Variants in DLC1 observed in about 807,000 individuals in gnomAD.
The protein encoded by DLC1 is DLC1 Rho GTPase activating protein.
DLC1 carries 54 observed loss-of-function variants against 140.3 expected under a neutral mutation model. That is an observed-to-expected ratio of 0.38 (90% CI 0.31 to 0.48). DLC1 has a LOEUF of 0.48. DLC1 is among the 20% of genes least tolerant of loss of function. The pLI is 0.96. For missense variants in DLC1, 2,536 were observed against 1,907.0 expected (o/e 1.33, Z -6.14); for synonymous variants, 986 against 728.1 (o/e 1.35, Z -5.70).
rs1801626395 is a variant in DLC1 at position 13,498,705 on chromosome 8, A to G, written c.1023+344T>C. 2.0e-5 allele frequency among the ~76,000 whole-genome samples: 3 copies of G among 152,354 alleles called. No homozygotes were observed. The South Asian group carries it at 6.2e-4, about 32-fold the overall frequency. On this transcript the variant is annotated intron_variant, in intron 2 of 17. Coordinates refer to ENST00000276297, the MANE Select transcript of DLC1 (RefSeq NM_182643.3). ...TACCATGACTTTCTTTATAAGAATTAGAAATCACTCTACAGAATGCCTTGA... is the reference window on the plus strand; with the variant it reads ...TACCATGACTTTCTTTATAAGAATTGGAAATCACTCTACAGAATGCCTTGA...
At chr8:13,472,630 C>CT (rs1336549262) in intron 2 of DLC1, among the ~76,000 whole-genome samples, 9 of 152,114 alleles carry the variant, frequency 5.9e-5, no homozygotes, top group Non-Finnish European at 1.3e-4. Context: ...AAGAACCAGC[C>CT]TTGGGCCTCA....
chr8:13,343,434 C>A (rs983864919), intron 4 of DLC1, among the ~76,000 whole-genome samples: 1 of 152,128 alleles, frequency 6.6e-6, no homozygotes, highest in Non-Finnish European at 1.5e-5. Context: ...AATTACATGT[C>A]TCTTTACACT....
intron 10 of DLC1, among the ~76,000 whole-genome samples, chr8:13,097,835 C>A (rs192031436): frequency 6.6e-6 from 1 of 151,990 alleles, no homozygotes; most frequent in Non-Finnish European, 1.5e-5. Flanking sequence ...AACCCACCCA[C>A]GCTGATAATT....
At chr8:13,373,735 G>A (rs1835834803) in intron 4 of DLC1, among the ~76,000 whole-genome samples, 1 of 152,116 alleles carries the variant, frequency 6.6e-6, no homozygotes, top group Non-Finnish European at 1.5e-5. Flanking sequence ...ATTCTGCTAA[G>A]AGATTTACTT....
At chr8:13,555,049 C>G (rs1030920589) in intron 1 of DLC1, among the ~76,000 whole-genome samples, 1 of 152,230 alleles carries the variant, frequency 6.6e-6, no homozygotes. Flanking sequence ...TTGCTCTTCT[C>G]ATTGGCTGTT....
At chr8:13,536,743 G>A (rs1803298872) in intron 1 of DLC1, among the ~76,000 whole-genome samples, 1 of 152,142 alleles carries the variant, frequency 6.6e-6, no homozygotes. Context: ...TTAGCCAATG[G>A]TGTTTTTTTG....
chr8:13,471,620 A>G (rs1160196028), intron 2 of DLC1, among the ~76,000 whole-genome samples: 1 of 152,108 alleles, frequency 6.6e-6, no homozygotes, highest in Non-Finnish European at 1.5e-5. Flanking sequence ...TGATCTGTAC[A>G]ACAAAACCCT....
At chr8:13,474,982 A>C (rs1304228319) in intron 2 of DLC1, among the ~76,000 whole-genome samples, 1 of 152,122 alleles carries the variant, frequency 6.6e-6, no homozygotes, top group Non-Finnish European at 1.5e-5. Context: ...TAATTTTTGC[A>C]TTTTTGTGGT....
intron 4 of DLC1, among the ~76,000 whole-genome samples, chr8:13,378,401 A>G (rs1205848318): frequency 1.3e-5 from 2 of 151,946 alleles, no homozygotes; most frequent in Non-Finnish European, 2.9e-5. Context: ...TGAAAAGACT[A>G]CATATGGCAA....
chr8:13,256,268 C>G (rs1830223030), intron 5 of DLC1, among the ~76,000 whole-genome samples: 1 of 152,166 alleles, frequency 6.6e-6, no homozygotes, highest in Non-Finnish European at 1.5e-5. Flanking sequence ...GGAACTCAAA[C>G]AAGGTTTTAC....
At chr8:13,469,198 C>A (rs1310081726) in intron 2 of DLC1, among the ~76,000 whole-genome samples, 1 of 152,092 alleles carries the variant, frequency 6.6e-6, no homozygotes, top group African/African-American at 2.4e-5. Flanking sequence ...TTATATCATT[C>A]CTTTTCTAGC....
chr8:13,420,053 G>A (rs939616718), intron 2 of DLC1, among the ~76,000 whole-genome samples: 2 of 152,028 alleles, frequency 1.3e-5, no homozygotes, highest in African/African-American at 2.4e-5. Context: ...TGGGATCGGT[G>A]GTGATATCCC....
intron 1 of DLC1, among the ~76,000 whole-genome samples, chr8:13,583,456 C>G (rs1348836020): frequency 1.3e-5 from 2 of 152,164 alleles, no homozygotes; most frequent in Admixed American, 6.5e-5. Context: ...TCAGATTCCA[C>G]TTATAATTCT....
At chr8:13,585,311 C>T (rs533474409) in intron 1 of DLC1, among the ~76,000 whole-genome samples, 2 of 152,172 alleles carry the variant, frequency 1.3e-5, no homozygotes, top group East Asian at 3.9e-4. Context: ...CACCTGTAAT[C>T]CCAGCACTTT....
intron 2 of DLC1, among the ~76,000 whole-genome samples, chr8:13,407,630 G>A (rs1010969400): frequency 1.3e-5 from 2 of 152,194 alleles, no homozygotes; most frequent in African/African-American, 4.8e-5. Flanking sequence ...AGCATTGCTT[G>A]AACGCTTTGC....
chr8:13,168,234 G>A (rs1335792374), intron 5 of DLC1, among the ~76,000 whole-genome samples: 1 of 152,092 alleles, frequency 6.6e-6, no homozygotes, highest in Non-Finnish European at 1.5e-5. Context: ...AGATTAGAAT[G>A]GCTTCCCGAG....
chr8:13,417,083 A>C (rs1838100370), intron 2 of DLC1, among the ~76,000 whole-genome samples: 1 of 152,186 alleles, frequency 6.6e-6, no homozygotes, highest in Non-Finnish European at 1.5e-5. Context: ...TGTGTCAACA[A>C]TTATTTCTAA....
chr8:13,347,857 A>C (rs992342561), intron 4 of DLC1, among the ~76,000 whole-genome samples: 3 of 152,172 alleles, frequency 2.0e-5, no homozygotes, highest in African/African-American at 7.2e-5. Context: ...TGTGAGTCCA[A>C]GGCAGGTGGA....
chr8:13,529,605 C>T (rs1457699759), intron 1 of DLC1, among the ~76,000 whole-genome samples: 1 of 152,090 alleles, frequency 6.6e-6, no homozygotes, highest in Non-Finnish European at 1.5e-5. Context: ...GAGAGAATTT[C>T]AACAGTTGTA....
Sources: gnomAD v4.1 joint callset for allele counts (sites outside exome capture counted in the v4.1 genomes callset) on GRCh38, gnomAD v4.1.1 for gene constraint, MANE v1.5 for transcripts, NCBI Gene and HGNC (gene_info 2026-07-23, HGNC 2026-07-21) for gene names.